Variants in SLIT2 observed in about 807,000 individuals in gnomAD.
The protein encoded by SLIT2 is slit guidance ligand 2.
A neutral mutation model predicts 185.7 loss-of-function variants in SLIT2; 41 were observed. That is an observed-to-expected ratio of 0.22 (90% CI 0.17 to 0.29). The LOEUF is 0.29. Ranked by LOEUF, SLIT2 falls within the 10% of genes least tolerant of loss-of-function variation. SLIT2 has a pLI of 1.00. For missense variants in SLIT2, 1,571 were observed against 1,909.0 expected (o/e 0.82, Z 3.30); for synonymous variants, 693 against 680.2 (o/e 1.02, Z -0.29).
chr4:20,272,756 C>A (rs753903167), intron 4 of SLIT2, among the ~76,000 whole-genome samples: 1 of 152,126 alleles, frequency 6.6e-6, no homozygotes, highest in African/African-American at 2.4e-5. Context: ...CCAAACCAAA[C>A]CAAAACTAAA....
chr4:20,419,302 A>G (rs1005063819), intron 4 of SLIT2, among the ~76,000 whole-genome samples: 2 of 152,176 alleles, frequency 1.3e-5, no homozygotes, highest in Non-Finnish European at 2.9e-5. Context: ...AATTATTTTA[A>G]TAAAAATGTG....
At chr4:20,471,814 C>T (rs1462660354) in intron 5 of SLIT2, among the ~76,000 whole-genome samples, 1 of 152,140 alleles carries the variant, frequency 6.6e-6, no homozygotes, top group African/African-American at 2.4e-5. Context: ...GCAAGCCACA[C>T]TAAAACTATT....
At chr4:20,408,223 A>G (rs1176285150) in intron 4 of SLIT2, among the ~76,000 whole-genome samples, 1 of 152,224 alleles carries the variant, frequency 6.6e-6, no homozygotes, top group African/African-American at 2.4e-5. Flanking sequence ...AGACCATCAG[A>G]CATCTAGCTC....
At chr4:20,533,837 T>TTC (rs74466092) in intron 18 of SLIT2, 122 bp downstream of exon 18, 394,180 of 752,560 alleles carry the variant, frequency 0.52, 108,709 homozygotes, top group African/African-American at 0.69. Flanking sequence ...CTCTTTCACA[T>TTC]TCTCTGTTAC....
At chr4:20,355,674 C>G (rs1722260378) in intron 4 of SLIT2, among the ~76,000 whole-genome samples, 2 of 152,100 alleles carry the variant, frequency 1.3e-5, no homozygotes, top group East Asian at 3.9e-4. Context: ...TCTAAGAAAA[C>G]TGTATGATCC....
intron 4 of SLIT2, among the ~76,000 whole-genome samples, chr4:20,432,741 CA>C (rs35773305): frequency 0.13 from 19,464 of 152,060 alleles, 1,431 homozygotes; most frequent in Admixed American, 0.22. Flanking sequence ...AAAAATTATA[CA>C]ATTAGGAGAA....
chr4:20,406,796 A>T (rs1168366561), intron 4 of SLIT2, among the ~76,000 whole-genome samples: 1 of 144,266 alleles, frequency 6.9e-6, no homozygotes, highest in African/African-American at 2.4e-5. Flanking sequence ...TGGTCTAGCA[A>T]TGCCACTTCT....
At chr4:20,527,173 T>C (rs1721368974) in intron 15 of SLIT2, among the ~76,000 whole-genome samples, 1 of 152,234 alleles carries the variant, frequency 6.6e-6, no homozygotes, top group Admixed American at 6.5e-5. Context: ...ATGATTGTCC[T>C]TGAGGATCTC....
intron 4 of SLIT2, among the ~76,000 whole-genome samples, chr4:20,360,825 C>G (rs762040353): frequency 8.5e-5 from 13 of 152,052 alleles, no homozygotes; most frequent in Non-Finnish European, 1.3e-4. Context: ...TGAGAGCTTA[C>G]TAGGTGTCAG....
chr4:20,372,408 C>G (rs1485827972), intron 4 of SLIT2, among the ~76,000 whole-genome samples: 1 of 151,664 alleles, frequency 6.6e-6, no homozygotes, highest in African/African-American at 2.4e-5. Context: ...GAAAAGAAAC[C>G]CAAAGAGAAA....
intron 34 of SLIT2, among the ~76,000 whole-genome samples, chr4:20,611,021 C>T (rs1488191523): frequency 6.6e-6 from 1 of 152,168 alleles, no homozygotes; most frequent in African/African-American, 2.4e-5. Context: ...TTTCAAAATT[C>T]TGGTAAAGGA....
rs573997044 is a variant in SLIT2, at chr4:20,484,687, T to C, written c.540-1513T>C. Among the ~76,000 whole-genome samples the C allele has an allele frequency of 6.6e-6, 1 of 152,282 alleles. No homozygotes were observed. The highest frequency in any genetic ancestry group is 2.1e-4 in the South Asian group (1 of 4,828). On this transcript the variant is annotated intron_variant, in intron 6 of 36. Coordinates refer to ENST00000504154, the MANE Select transcript of SLIT2 (RefSeq NM_004787.4). This position sits in a 1 kb window ranked among gnomAD's most constrained non-coding sequence, Gnocchi z 4.3. Reference sequence around the variant, plus strand: ...TTGTGTAGCTCAAACATAAGCGGTCTACAGACTGTTTGAAATGTTTTAATT... The same window carrying C: ...TTGTGTAGCTCAAACATAAGCGGTCCACAGACTGTTTGAAATGTTTTAATT...
At chr4:20,332,516 T>C (rs1720156664) in intron 4 of SLIT2, among the ~76,000 whole-genome samples, 1 of 152,058 alleles carries the variant, frequency 6.6e-6, no homozygotes, top group African/African-American at 2.4e-5. Context: ...ACCCCATCTA[T>C]ACTAAATACA....
chr4:20,278,456 C>T (rs1714390086), intron 4 of SLIT2, among the ~76,000 whole-genome samples: 1 of 152,082 alleles, frequency 6.6e-6, no homozygotes, highest in South Asian at 2.1e-4. Context: ...CAAGTTTCAA[C>T]CTTTCTGCAA....
chr4:20,456,539 G>A (rs1360600070), intron 4 of SLIT2, among the ~76,000 whole-genome samples: 1 of 151,948 alleles, frequency 6.6e-6, no homozygotes, highest in Admixed American at 6.6e-5. Context: ...ATGTCATCCT[G>A]GGTTGATGTC....
At chr4:20,587,726 C>A (rs1727178980) in intron 29 of SLIT2, among the ~76,000 whole-genome samples, 1 of 152,150 alleles carries the variant, frequency 6.6e-6, no homozygotes, top group South Asian at 2.1e-4. Context: ...GGAGCAGAGT[C>A]CATTACATTC....
intron 11 of SLIT2, among the ~76,000 whole-genome samples, chr4:20,513,422 A>G (rs1224308166): frequency 6.6e-6 from 1 of 152,220 alleles, no homozygotes; most frequent in Non-Finnish European, 1.5e-5. Context: ...TTCACTTTCC[A>G]AAGATTAAGT....
At chr4:20,489,765 CAA>C (rs201807670) in intron 8 of SLIT2, among the ~76,000 whole-genome samples, 2,004 of 151,924 alleles carry the variant, frequency 0.013, 27 homozygotes, top group South Asian at 0.074. Flanking sequence ...GCATGGGTGA[CAA>C]GAGAGAAACT....
At chr4:20,305,111 G>A (rs973584567) in intron 4 of SLIT2, among the ~76,000 whole-genome samples, 128 of 152,272 alleles carry the variant, frequency 8.4e-4, no homozygotes, top group African/African-American at 3.0e-3. Context: ...TTGAAAGCAA[G>A]CCATGCTCAT....
Sources: allele counts gnomAD v4.1 joint callset (sites outside exome capture counted in the v4.1 genomes callset), GRCh38; gene constraint gnomAD v4.1.1; non-coding constraint Gnocchi (gnomAD v3.1); transcripts MANE v1.5; gene names NCBI Gene and HGNC (gene_info 2026-07-23, HGNC 2026-07-21).